Variants in BANK1 observed in about 807,000 individuals in gnomAD.
The protein encoded by BANK1 is B cell scaffold protein with ankyrin repeats 1.
Under a neutral mutation model 94.5 loss-of-function variants are expected in BANK1, and 95 were observed. The ratio of observed to expected loss-of-function variants is 1.00; its 90% CI spans 0.85 to 1.19. BANK1 has a LOEUF of 1.19. BANK1 is among the 50% of genes most tolerant of loss of function. BANK1 has a pLI of 0.00. For missense variants in BANK1, 987 were observed against 932.2 expected, an observed-to-expected ratio of 1.06 and a Z score of -0.77; for synonymous variants, 334 against 308.4, an observed-to-expected ratio of 1.08 and a Z score of -0.87.
At chr4:102,028,913 T>G (rs767566430) in intron 9 of BANK1, among the ~76,000 whole-genome samples, 21 of 152,098 alleles carry the variant, frequency 1.4e-4, no homozygotes, top group African/African-American at 2.2e-4. Context: ...TTTGTTTTTT[T>G]TTTGTTTGTT....
chr4:101,812,733 G>A (rs1449772866), intron 1 of BANK1, among the ~76,000 whole-genome samples: 2 of 151,698 alleles, frequency 1.3e-5, no homozygotes, highest in African/African-American at 2.4e-5. Flanking sequence ...TTATTATATT[G>A]CATACTTCTA....
rs570722710 is a variant in BANK1, at chr4:102,070,343, A to G, written c.2213-932A>G. Among the ~76,000 whole-genome samples, 149 of 152,212 alleles carry G rather than the reference A, an allele frequency of 9.8e-4. 1 individual carries two copies. Among genetic ancestry groups the G allele is most frequent in the African/African-American group, 3.4e-3 (143 of 41,542 alleles). On this transcript the variant is annotated intron_variant, in intron 13 of 16. Transcript: ENST00000322953. ...TCCGCCTTACACTTGGGAAGTGAGC[A>G]TGCGCAGTGTGTTCAGAAAGTTGTA...
intron 7 of BANK1, among the ~76,000 whole-genome samples, chr4:102,009,370 ATTATT>A (rs1191261664): frequency 6.6e-6 from 1 of 152,118 alleles, no homozygotes; most frequent in Non-Finnish European, 1.5e-5. Context: ...CCACATTTTG[ATTATT>A]TTAATTATGT....
intron 2 of BANK1, among the ~76,000 whole-genome samples, chr4:101,849,107 A>C (rs192439413): frequency 1.3e-5 from 2 of 152,350 alleles, no homozygotes; most frequent in East Asian, 3.9e-4. Context: ...TACTGAAGGC[A>C]ATACCAGAAA....
At chr4:101,964,836 A>G (rs1239384751) in intron 7 of BANK1, among the ~76,000 whole-genome samples, 3 of 151,552 alleles carry the variant, frequency 2.0e-5, no homozygotes, top group Non-Finnish European at 4.4e-5. Context: ...ACATATGTAT[A>G]CATGTGCCAT....
intron 7 of BANK1, among the ~76,000 whole-genome samples, chr4:101,960,423 C>G (rs994309467): frequency 2.0e-5 from 3 of 151,990 alleles, no homozygotes; most frequent in African/African-American, 4.8e-5. Flanking sequence ...GTTAAGAATG[C>G]TAGAAGTCAC....
At chr4:102,050,675 G>A (rs1249804950) in intron 11 of BANK1, among the ~76,000 whole-genome samples, 1 of 152,034 alleles carries the variant, frequency 6.6e-6, no homozygotes, top group Non-Finnish European at 1.5e-5. Context: ...TTATATAAAT[G>A]TATAACTTGC....
chr4:102,024,051 T>C (rs1727000187), intron 8 of BANK1, among the ~76,000 whole-genome samples: 1 of 152,202 alleles, frequency 6.6e-6, no homozygotes, highest in Admixed American at 6.5e-5. Context: ...GTTTTAGTAC[T>C]GGAAACTGTA....
Position 102,021,056 on chromosome 4 carries a change from C to CT in BANK1, c.1207-452dup, listed in dbSNP as rs1462826505. 2.6e-5 allele frequency among the ~76,000 whole-genome samples: 4 copies of CT among 152,058 alleles called. No homozygotes were observed. The South Asian group carries it at 6.2e-4, about 24-fold the overall frequency. ...AGAAGTACCCTTACTGGATTTATTTCTTTTTTGTAAAGATGGAGAATAAAC... is the reference window on the plus strand; with the variant it reads ...AGAAGTACCCTTACTGGATTTATTTCTTTTTTTGTAAAGATGGAGAATAAAC... On this transcript the variant is annotated intron_variant, in intron 7 of 16. Coordinates refer to ENST00000322953, the MANE Select transcript of BANK1 (RefSeq NM_017935.5).
rs560370402 is a variant in BANK1, at chr4:101,834,643, A to C, written c.469+4437A>C. 6.3e-5 allele frequency among the ~76,000 whole-genome samples: 3 copies of C among 47,470 alleles called. No homozygotes were observed. In the East Asian group the frequency reaches 1.4e-3, roughly 22 times the overall value. The allele number at this position is 47,470 out of a possible 152,430, so 31.1% of individuals were successfully genotyped here. Reference sequence around the variant, plus strand: ...CTTGTATTTAAATTGAGATCAGTACAAAAAAAAATGGGTGAAATAGGACAA... The same window carrying C: ...CTTGTATTTAAATTGAGATCAGTACCAAAAAAAATGGGTGAAATAGGACAA... On this transcript the variant is annotated intron_variant, in intron 2 of 16. Coordinates refer to ENST00000322953, the MANE Select transcript of BANK1 (RefSeq NM_017935.5).
intron 13 of BANK1, 122 bp from the exon 14 acceptor site, chr4:102,071,153 A>G (rs917525399): frequency 1.4e-5 from 15 of 1,106,670 alleles, no homozygotes; most frequent in Non-Finnish European, 1.9e-5. Flanking sequence ...TTAGATCAGA[A>G]TGTGAGATTT....
intron 1 of BANK1, among the ~76,000 whole-genome samples, chr4:101,812,963 A>G (rs905550241): frequency 2.6e-5 from 4 of 152,156 alleles, no homozygotes; most frequent in Non-Finnish European, 5.9e-5. Flanking sequence ...GGGAATTAAT[A>G]ATAGTAAAAA....
chr4:101,945,971 T>C lies in BANK1; in HGVS notation c.1206+27782T>C, dbSNP rs757023947. 3.3e-5 allele frequency among the ~76,000 whole-genome samples: 5 copies of C among 151,964 alleles called. No homozygotes were observed. In the East Asian group the frequency reaches 7.8e-4, roughly 24 times the overall value. ...GGGGGCTACGTTTATCCAGATATCA[T>C]TGGGAACCTGCTCCTTTAAAAGTAA... On this transcript the variant is annotated intron_variant, in intron 7 of 16. Transcript: ENST00000322953.
chr4:101,872,075 A>C (rs1205904917), intron 5 of BANK1, among the ~76,000 whole-genome samples: 1 of 152,046 alleles, frequency 6.6e-6, no homozygotes, highest in African/African-American at 2.4e-5. Flanking sequence ...TGCTTTTCTC[A>C]AGGATTTTTC....
At chr4:101,906,932 A>G (rs1398062093) in intron 6 of BANK1, among the ~76,000 whole-genome samples, 4 of 152,206 alleles carry the variant, frequency 2.6e-5, no homozygotes, top group Non-Finnish European at 4.4e-5. Flanking sequence ...AGAAATATAC[A>G]GGTGTGAAGT....
At chr4:102,030,429 A>G (rs1169828843) in intron 10 of BANK1, among the ~76,000 whole-genome samples, 164 bp downstream of exon 10, 1 of 151,852 alleles carries the variant, frequency 6.6e-6, no homozygotes, top group Non-Finnish European at 1.5e-5. Context: ...TTTTCCACTA[A>G]GAGTATTTTT....
chr4:102,055,201 A>G (rs969056082), intron 11 of BANK1, among the ~76,000 whole-genome samples: 2 of 152,046 alleles, frequency 1.3e-5, no homozygotes, highest in Admixed American at 1.3e-4. Context: ...TCAAATTCAA[A>G]TAAGAGAATT....
At position 102,066,306 on chromosome 4, in the gene BANK1, G is replaced by T. The variant is rs1035417932; in HGVS notation, c.2212+3168G>T. On this transcript the variant is annotated intron_variant, in intron 13 of 16. Coordinates refer to ENST00000322953, the MANE Select transcript of BANK1 (RefSeq NM_017935.5). ...GAGTCTCGCTCTGTCGCCCAGGCTG[G>T]AGTGCAGTGGCACGATCTCGGCTCA... 6.6e-5 allele frequency among the ~76,000 whole-genome samples: 10 copies of T among 150,800 alleles called. No individual in the cohort carries two copies. In the East Asian group the frequency reaches 1.6e-3, roughly 24 times the overall value.
At chr4:101,920,571 GA>G (rs1316677964) in intron 7 of BANK1, among the ~76,000 whole-genome samples, 2 of 151,820 alleles carry the variant, frequency 1.3e-5, no homozygotes, top group Admixed American at 6.6e-5. Flanking sequence ...AATTTTTCAT[GA>G]ACTATTGTTT....
Sources: allele counts gnomAD v4.1 joint callset (sites outside exome capture counted in the v4.1 genomes callset), GRCh38; gene constraint gnomAD v4.1.1; transcripts MANE v1.5; gene names NCBI Gene and HGNC (gene_info 2026-07-23, HGNC 2026-07-21).